PLAC1: variants seen among roughly 807,000 people sequenced by gnomAD.
PLAC1 encodes the protein placenta associated 1.
For synonymous variants in PLAC1, 68 were observed against 62.1 expected, an observed-to-expected ratio of 1.09 and a Z score of -0.44; for missense variants, 136 against 163.2, an observed-to-expected ratio of 0.83 and a Z score of 0.91.
At chrX:134,592,663 T>C (rs2078043965) in intron 2 of PLAC1, among the ~76,000 whole-genome samples, 2 of 109,586 alleles carry the variant, frequency 1.8e-5, no homozygotes, top group Non-Finnish European at 3.8e-5. Flanking sequence ...CATCCACAGT[T>C]CCATGAGCCA....
chrX:134,747,632 G>C (rs1242422136), intron 1 of PLAC1, among the ~76,000 whole-genome samples: 1 of 111,449 alleles, frequency 9.0e-6, no homozygotes, highest in African/African-American at 3.3e-5. Context: ...ATCCTGGCCT[G>C]AGAGTCAGGA....
chrX:134,706,256 C>CCCCTT (rs2078604326), intron 2 of PLAC1, among the ~76,000 whole-genome samples: 1 of 112,825 alleles, frequency 8.9e-6, no homozygotes, highest in African/African-American at 3.2e-5. Flanking sequence ...CTTTTCCCCT[C>CCCCTT]CCTAGGCTGT....
At chrX:134,637,196 G>A (rs1602862300) in intron 1 of PLAC1, among the ~76,000 whole-genome samples, 1 of 111,810 alleles carries the variant, frequency 8.9e-6, no homozygotes, top group Middle Eastern at 4.6e-3. Context: ...GGAGATAGGG[G>A]AAAGCAGCCG....
chrX:134,610,798 C>G (rs1339405433), intron 1 of PLAC1, among the ~76,000 whole-genome samples: 1 of 111,331 alleles, frequency 9.0e-6, no homozygotes, highest in African/African-American at 3.3e-5. Context: ...GTTAAGATGT[C>G]TCATCCATCT....
chrX:134,759,438 C>T (rs2078764731), intron 1 of PLAC1, among the ~76,000 whole-genome samples: 1 of 111,671 alleles, frequency 9.0e-6, no homozygotes, highest in Non-Finnish European at 1.9e-5. Context: ...CATGAGCCAC[C>T]AAGCCCGGCC....
chrX:134,689,751 A>C (rs1181148729), intron 2 of PLAC1, among the ~76,000 whole-genome samples: 1 of 111,824 alleles, frequency 8.9e-6, no homozygotes, highest in Non-Finnish European at 1.9e-5. Context: ...TTTCTCAAAC[A>C]CCAGTCACTT....
chrX:134,628,962 T>A (rs2078248161), intron 1 of PLAC1, among the ~76,000 whole-genome samples: 1 of 112,130 alleles, frequency 8.9e-6, no homozygotes, highest in Non-Finnish European at 1.9e-5. Flanking sequence ...GCTGGGCTGG[T>A]TCAAGTTGAA....
chrX:134,642,559 G>T (rs1012778712), intron 1 of PLAC1, among the ~76,000 whole-genome samples: 1 of 111,243 alleles, frequency 9.0e-6, no homozygotes, highest in South Asian at 3.8e-4. Flanking sequence ...AGGTCTGGAA[G>T]TTGTTGGGGG....
intron 2 of PLAC1, among the ~76,000 whole-genome samples, chrX:134,573,431 C>T (rs1246572295): frequency 1.8e-5 from 2 of 111,561 alleles, no homozygotes; most frequent in Non-Finnish European, 3.8e-5. Context: ...GACCTCTCAA[C>T]TCCACGGCAG....
chrX:134,760,335 C>A (rs1390106339), intron 1 of PLAC1: 2 of 111,445 alleles, frequency 1.8e-5, no homozygotes, highest in African/African-American at 6.5e-5. Context: ...ATGATGCTGC[C>A]ACTGCACAAA....
intron 2 of PLAC1, among the ~76,000 whole-genome samples, chrX:134,724,773 TG>T (rs1393967958): frequency 1.8e-5 from 2 of 111,494 alleles, no homozygotes; most frequent in Non-Finnish European, 3.8e-5. Context: ...GAGGCCAAGG[TG>T]GGGGGATCAT....
At chrX:134,675,534 G>A (rs2147813031) in intron 2 of PLAC1, among the ~76,000 whole-genome samples, 1 of 111,815 alleles carries the variant, frequency 8.9e-6, no homozygotes, top group African/African-American at 3.2e-5. Context: ...GCCTGGTGGT[G>A]CATGCCTGTA....
intron 2 of PLAC1, among the ~76,000 whole-genome samples, chrX:134,720,895 T>C (rs1375310924): frequency 8.9e-6 from 1 of 112,323 alleles, no homozygotes; most frequent in Admixed American, 9.4e-5. Flanking sequence ...TGGGCTCAAG[T>C]GATCCTCCTG....
At chrX:134,701,679 C>T (rs767088757) in intron 2 of PLAC1, among the ~76,000 whole-genome samples, 14 of 111,925 alleles carry the variant, frequency 1.3e-4, no homozygotes, top group South Asian at 7.4e-4. Context: ...AACAAATATT[C>T]GAAAAAATAC....
At chrX:134,580,767 G>T (rs995353959) in intron 2 of PLAC1, among the ~76,000 whole-genome samples, 1 of 112,036 alleles carries the variant, frequency 8.9e-6, no homozygotes, top group Non-Finnish European at 1.9e-5. Context: ...TGGACTTCTT[G>T]TCAGCACACA....
intron 1 of PLAC1, among the ~76,000 whole-genome samples, chrX:134,757,081 C>T (rs1348267712): frequency 1.8e-5 from 2 of 112,190 alleles, no homozygotes; most frequent in African/African-American, 6.5e-5. Context: ...GGAAAACGTA[C>T]CTTTGCAGCC....
chrX:134,683,191 G>A (rs2078504613), intron 2 of PLAC1, among the ~76,000 whole-genome samples: 1 of 110,445 alleles, frequency 9.1e-6, no homozygotes, highest in South Asian at 3.9e-4. Flanking sequence ...TGTGATTGAA[G>A]CTGCAATTGA....
At chrX:134,763,619 G>A (rs1296107148) in intron 1 of PLAC1, among the ~76,000 whole-genome samples, 1 of 110,587 alleles carries the variant, frequency 9.0e-6, no homozygotes, top group Non-Finnish European at 1.9e-5. Context: ...TCAGAAGTTC[G>A]AGACCAGCCT....
chrX:134,587,335 C>T (rs1236680072), intron 2 of PLAC1, among the ~76,000 whole-genome samples: 1 of 110,398 alleles, frequency 9.1e-6, no homozygotes, highest in Non-Finnish European at 1.9e-5. Context: ...GAAAGATGGA[C>T]CACTAGAGGC....
Sources: allele counts gnomAD v4.1 joint callset (sites outside exome capture counted in the v4.1 genomes callset), GRCh38; gene constraint gnomAD v4.1.1; transcripts MANE v1.5; gene names NCBI Gene and HGNC (gene_info 2026-07-23, HGNC 2026-07-21).